Variants in PPP1R9A observed in about 807,000 individuals in gnomAD.
PPP1R9A encodes the protein protein phosphatase 1 regulatory subunit 9A.
A neutral mutation model predicts 141.9 loss-of-function variants in PPP1R9A; 59 were observed. The ratio of observed to expected loss-of-function variants is 0.42; its 90% CI spans 0.34 to 0.52. The LOEUF (loss-of-function observed/expected upper bound fraction) is 0.52. Among genes scored for constraint, PPP1R9A ranks in the 20% least tolerant of loss-of-function variants. The pLI is 0.10. For synonymous variants in PPP1R9A, 500 were observed against 569.7 expected (o/e 0.88, Z 1.74); for missense variants, 1,444 against 1,611.9 (o/e 0.90, Z 1.78).
rs761964188 is a variant in PPP1R9A, at chr7:95,268,589, C to G, written c.2705C>G (p.Ser902Ter). Residue 902 changes from serine to a stop codon, truncating the protein, a stop_gained, in exon 13 of 20, where the codon TCA becomes TGA. Coordinates refer to ENST00000433360, the MANE Select transcript of PPP1R9A (RefSeq NM_001166160.2). LOFTEE classifies it high-confidence loss of function. ...GTCCCAGAGACAGAGCGCCTGGATTCAAAAGCACTGAAAACTCGAGCCCAG... is the reference window on the plus strand; with the variant it reads ...GTCCCAGAGACAGAGCGCCTGGATTGAAAAGCACTGAAAACTCGAGCCCAG... ...EAVPETERLD[S>*]KALKTRAQLS... The G allele has an allele frequency of 6.2e-7, 1 of 1,613,426 alleles. No individual in the cohort carries two copies. Among genetic ancestry groups the G allele is most frequent in the South Asian group, 1.1e-5 (1 of 91,068 alleles).
chr7:94,933,467 T>C (rs561617174), intron 2 of PPP1R9A, among the ~76,000 whole-genome samples: 1 of 152,246 alleles, frequency 6.6e-6, no homozygotes, highest in South Asian at 2.1e-4. Flanking sequence ...TTCTCCTCCC[T>C]CTCTCAACTG....
In PPP1R9A at chr7:95,036,758, G is replaced by A. The variant is rs190360971; in HGVS notation, c.1396-74501G>A. 3.9e-5 allele frequency: 6 copies of A among 152,360 alleles called. No homozygotes were observed. In the East Asian group the frequency reaches 1.2e-3, roughly 29 times the overall value. 9.4% of individuals were successfully genotyped at this position (152,360 alleles called of 1,614,324 possible). On this transcript the variant is annotated intron_variant, in intron 2 of 19. Coordinates refer to ENST00000433360, the MANE Select transcript of PPP1R9A (RefSeq NM_001166160.2). The stretch of plus-strand genomic sequence containing the variant: ...GATGAATTGCTTCTAATTTGCAGAA[G>A]CGAATTCTCATCCAGAATTTGAACT...
chr7:94,983,871 A>T (rs762418556), intron 2 of PPP1R9A, among the ~76,000 whole-genome samples: 1 of 152,096 alleles, frequency 6.6e-6, no homozygotes, highest in Non-Finnish European at 1.5e-5. Flanking sequence ...CACTATGTTG[A>T]ATAGGAGTGG....
chr7:95,295,799 A>AC lies in PPP1R9A; in HGVS notation c.*5497dup, dbSNP rs1415016009. ...AATTAAGAGGCACTCCAGCCAGATA[A>AC]CACCTCCCAACAACATGAAATTTAG... On this transcript the variant is annotated 3_prime_UTR_variant, in exon 20 of 20. Transcript: ENST00000433360. The AC allele has an allele frequency of 6.6e-6, 1 of 152,526 alleles. No homozygotes were observed. Among genetic ancestry groups the AC allele is most frequent in the Non-Finnish European group, 1.5e-5 (1 of 68,032 alleles). The allele number at this position is 152,526 out of a possible 1,614,324, so 9.4% of individuals were successfully genotyped here. A position where few individuals can be genotyped will look rare whatever the true frequency, so the allele number is the denominator to read the frequency against.
intron 2 of PPP1R9A, among the ~76,000 whole-genome samples, chr7:94,946,803 A>G (rs919833825): frequency 3.3e-5 from 5 of 152,130 alleles, no homozygotes; most frequent in African/African-American, 9.7e-5. Context: ...TGTATTTTAA[A>G]TGCTTGCACA....
At chr7:94,999,777 T>TTTTTTTA (rs556826158) in intron 2 of PPP1R9A, among the ~76,000 whole-genome samples, 1 of 141,304 alleles carries the variant, frequency 7.1e-6, no homozygotes, top group African/African-American at 2.7e-5. Flanking sequence ...AGATATCTTA[T>TTTTTTTA]TTTATTTATT....
At chr7:95,033,190 T>A (rs776761486) in intron 2 of PPP1R9A, among the ~76,000 whole-genome samples, 5,419 of 147,220 alleles carry the variant, frequency 0.037, 169 homozygotes, top group Middle Eastern at 0.11. Flanking sequence ...TTTTTTTTTT[T>A]TTTTTAGTAG....
At chr7:95,101,474 C>T (rs1440761768) in intron 2 of PPP1R9A, among the ~76,000 whole-genome samples, 3 of 152,122 alleles carry the variant, frequency 2.0e-5, no homozygotes, top group Admixed American at 6.5e-5. Flanking sequence ...TTCCATCATA[C>T]GTACTTTCCA....
At chr7:95,137,415 CAAAAAA>C (rs33928009) in intron 4 of PPP1R9A, among the ~76,000 whole-genome samples, 23 of 91,472 alleles carry the variant, frequency 2.5e-4, no homozygotes, top group African/African-American at 4.8e-4. Context: ...GACATGAACT[CAAAAAA>C]AAAAAAAAAA....
intron 4 of PPP1R9A, among the ~76,000 whole-genome samples, chr7:95,139,459 C>A (rs1826249327): frequency 6.6e-6 from 1 of 152,114 alleles, no homozygotes; most frequent in South Asian, 2.1e-4. Flanking sequence ...AACCATATCA[C>A]AACTCAAATT....
chr7:94,964,457 G>A (rs752506663), intron 2 of PPP1R9A, among the ~76,000 whole-genome samples: 2 of 152,038 alleles, frequency 1.3e-5, no homozygotes, highest in African/African-American at 2.4e-5. Flanking sequence ...TCTACATTAG[G>A]TATTTCTCCT....
intron 2 of PPP1R9A, among the ~76,000 whole-genome samples, chr7:95,061,818 C>A (rs78262876): frequency 2.0e-5 from 3 of 152,096 alleles, no homozygotes; most frequent in Admixed American, 2.0e-4. Context: ...ACCCAAGATA[C>A]AATAAAACTT....
intron 2 of PPP1R9A, among the ~76,000 whole-genome samples, chr7:94,935,007 G>A (rs145109137): frequency 6.6e-5 from 10 of 152,128 alleles, no homozygotes; most frequent in East Asian, 3.9e-4. Flanking sequence ...GTACAGTTGC[G>A]CTCCACTGCA....
intron 5 of PPP1R9A, among the ~76,000 whole-genome samples, chr7:95,187,672 G>T (rs1475873692): frequency 6.6e-6 from 1 of 152,056 alleles, no homozygotes; most frequent in East Asian, 1.9e-4. Context: ...CACTGCTTTT[G>T]CTGTGTCCTA....
intron 4 of PPP1R9A, among the ~76,000 whole-genome samples, chr7:95,137,442 G>C (rs1246144978): frequency 7.1e-6 from 1 of 140,908 alleles, no homozygotes; most frequent in Non-Finnish European, 1.5e-5. Context: ...AAAAAAAGAT[G>C]CAAGTCTTTT....
intron 2 of PPP1R9A, among the ~76,000 whole-genome samples, chr7:95,059,136 T>A (rs1210823890): frequency 6.6e-6 from 1 of 152,196 alleles, no homozygotes; most frequent in African/African-American, 2.4e-5. Context: ...ATCACCTCCA[T>A]GTGTTTTTTT....
rs1806166093 is a variant in PPP1R9A, at chr7:95,290,280, G to T, written c.4102G>T (p.Ala1368Ser). ...GACAGAAAAGATGACGTCAACTACA[G>T]CCGAGGGTGCTGGTGAGCAGTAACA... is the stretch of plus-strand genomic sequence containing the variant. ...KKTEKMTSTT[A>S]EGAGEQ is the part of the protein sequence containing the mutation. Residue 1368 changes from alanine (A) to serine (S), a missense_variant, in exon 20 of 20, where the codon GCC (alanine) becomes TCC (serine). By Grantham distance (99) the Ala-to-Ser change is moderately conservative. Coordinates refer to ENST00000433360, the MANE Select transcript of PPP1R9A (RefSeq NM_001166160.2). 6.2e-7 allele frequency: 1 copy of T among 1,611,274 alleles called. No individual in the cohort carries two copies. Among genetic ancestry groups the T allele is most frequent in the Non-Finnish European group, 8.5e-7 (1 of 1,178,688 alleles).
At chr7:95,177,615 A>G (rs1833089243) in intron 5 of PPP1R9A, among the ~76,000 whole-genome samples, 1 of 152,132 alleles carries the variant, frequency 6.6e-6, no homozygotes, top group Non-Finnish European at 1.5e-5. Context: ...TTCACCAACC[A>G]ACTATCTGCT....
intron 2 of PPP1R9A, among the ~76,000 whole-genome samples, chr7:94,988,740 CAG>C (rs1801146933): frequency 6.6e-6 from 1 of 151,942 alleles, no homozygotes; most frequent in Admixed American, 6.6e-5. Context: ...GTAAAGTAGG[CAG>C]AGTTTCAGCT....
Sources: allele counts gnomAD v4.1 joint callset (sites outside exome capture counted in the v4.1 genomes callset), GRCh38; gene constraint gnomAD v4.1.1; transcripts MANE v1.5; gene names NCBI Gene and HGNC (gene_info 2026-07-23, HGNC 2026-07-21).